Variants in MYO16 observed in about 807,000 individuals in gnomAD.
The protein encoded by MYO16 is unconventional myosin-XVI.
MYO16 carries 94 observed loss-of-function variants against 205.3 expected under a neutral mutation model. The ratio of observed to expected loss-of-function variants is 0.46; its 90% CI spans 0.39 to 0.54. The LOEUF is 0.54. Among genes scored for constraint, MYO16 ranks in the 20% least tolerant of loss-of-function variants. MYO16 has a pLI of 0.00. For missense variants in MYO16, 2,315 were observed against 2,387.5 expected (o/e 0.97, Z 0.63); for synonymous variants, 988 against 954.0 (o/e 1.04, Z -0.66).
the MYO16 span, among the ~76,000 whole-genome samples, chr13:108,532,536 G>T: frequency 4.6e-5 from 7 of 151,774 alleles, no homozygotes; most frequent in East Asian, 1.2e-3. Context: ...GCTCATGCCT[G>T]TAATCCCAGG....
intron 34 of MYO16, among the ~76,000 whole-genome samples, chr13:109,204,590 A>T (rs1566562247): frequency 6.6e-6 from 1 of 152,222 alleles, no homozygotes; most frequent in Admixed American, 6.5e-5. Flanking sequence ...CTAGACCACA[A>T]TAGTTGGGTT....
chr13:108,842,262 A>AGG (rs1877282462), intron 9 of MYO16, among the ~76,000 whole-genome samples: 1 of 152,106 alleles, frequency 6.6e-6, no homozygotes, highest in South Asian at 2.1e-4. Flanking sequence ...AAACAATAAA[A>AGG]TCAACAAAAT....
intron 1 of MYO16, among the ~76,000 whole-genome samples, chr13:108,657,910 C>G (rs186769954): frequency 9.9e-5 from 15 of 152,210 alleles, no homozygotes; most frequent in Admixed American, 8.5e-4. Flanking sequence ...ATTTTAAACA[C>G]AATTTAATGT....
chr13:109,130,924 T>C (rs1876503550), intron 31 of MYO16, among the ~76,000 whole-genome samples: 2 of 152,234 alleles, frequency 1.3e-5, no homozygotes, highest in Admixed American at 6.5e-5. Context: ...TTCCAAGTAC[T>C]CAGTAGCCAC....
chr13:109,049,440 A>G (rs1482627538), intron 24 of MYO16, among the ~76,000 whole-genome samples: 3 of 152,334 alleles, frequency 2.0e-5, no homozygotes, highest in East Asian at 3.9e-4. Context: ...CCCTGTGCCC[A>G]TAGGATGACA....
intron 23 of MYO16, among the ~76,000 whole-genome samples, chr13:109,039,670 AT>A (rs540489755): frequency 1.3e-5 from 2 of 152,220 alleles, no homozygotes; most frequent in Non-Finnish European, 2.9e-5. Flanking sequence ...AAAGTACAAC[AT>A]GTCAAACTTG....
intron 31 of MYO16, among the ~76,000 whole-genome samples, chr13:109,138,894 T>C (rs1262048071): frequency 6.6e-6 from 1 of 152,208 alleles, no homozygotes; most frequent in Non-Finnish European, 1.5e-5. Flanking sequence ...CTCAGTTCAC[T>C]GCATCCTCTG....
chr13:109,056,586 A>G (rs1341819101), intron 27 of MYO16, among the ~76,000 whole-genome samples: 2 of 152,144 alleles, frequency 1.3e-5, no homozygotes, highest in African/African-American at 4.8e-5. Context: ...TAGACAGGTA[A>G]ATGCATACGC....
intron 25 of MYO16, among the ~76,000 whole-genome samples, chr13:109,053,112 C>G (rs930588777): frequency 2.0e-5 from 3 of 152,062 alleles, no homozygotes; most frequent in Non-Finnish European, 4.4e-5. Flanking sequence ...AATCCAGTGC[C>G]AGATGGTATT....
intron 14 of MYO16, among the ~76,000 whole-genome samples, chr13:108,890,721 C>T (rs566889411): frequency 1.3e-5 from 2 of 152,302 alleles, no homozygotes; most frequent in East Asian, 1.9e-4. Context: ...TGCCATCAGC[C>T]TGTATCACCA....
chr13:109,015,073 A>T (rs1885756722), intron 22 of MYO16, among the ~76,000 whole-genome samples: 1 of 152,196 alleles, frequency 6.6e-6, no homozygotes, highest in Non-Finnish European at 1.5e-5. Flanking sequence ...GTTATTGCCC[A>T]TTCAGTATGA....
intron 22 of MYO16, among the ~76,000 whole-genome samples, chr13:109,018,492 C>T (rs757544326): frequency 6.6e-5 from 10 of 152,162 alleles, no homozygotes; most frequent in African/African-American, 1.4e-4. Flanking sequence ...GCTCAGACAA[C>T]GTGCTGGGAG....
At chr13:109,155,168 A>T (rs1877936539) in intron 32 of MYO16, among the ~76,000 whole-genome samples, 1 of 152,174 alleles carries the variant, frequency 6.6e-6, no homozygotes, top group Non-Finnish European at 1.5e-5. Flanking sequence ...GTTGTTGAAG[A>T]CATCGCTCTG....
At chr13:109,115,356 G>GA (rs1321280204) in intron 28 of MYO16, among the ~76,000 whole-genome samples, 1 of 141,038 alleles carries the variant, frequency 7.1e-6, no homozygotes, top group Non-Finnish European at 1.5e-5. Context: ...CACCTAACAA[G>GA]AAAAAAAACC....
chr13:108,858,970 T>C (rs760335987), intron 11 of MYO16, among the ~76,000 whole-genome samples: 3 of 152,094 alleles, frequency 2.0e-5, no homozygotes, highest in South Asian at 2.1e-4. Flanking sequence ...TTGACCACCA[T>C]ATGCCCATTC....
intron 13 of MYO16, 32 bp downstream of exon 13, chr13:108,883,218 C>G (rs745720291): frequency 1.9e-6 from 3 of 1,603,072 alleles, no homozygotes; most frequent in Non-Finnish European, 2.6e-6. Context: ...CTGCCAGGCT[C>G]AGGTTTGCCA....
chr13:108,991,364 T>C (rs568315357), intron 20 of MYO16, among the ~76,000 whole-genome samples: 1 of 152,338 alleles, frequency 6.6e-6, no homozygotes, highest in Non-Finnish European at 1.5e-5. Context: ...AGAGTGATAG[T>C]TCACATTGAA....
chr13:108,805,673 G>C (rs1295632637), intron 6 of MYO16, among the ~76,000 whole-genome samples: 2 of 151,812 alleles, frequency 1.3e-5, no homozygotes, highest in African/African-American at 4.8e-5. Flanking sequence ...AATACAGGCT[G>C]CTACCTTAGA....
At chr13:109,115,736 A>G (rs1457439460) in intron 28 of MYO16, among the ~76,000 whole-genome samples, 1 of 152,230 alleles carries the variant, frequency 6.6e-6, no homozygotes, top group East Asian at 1.9e-4. Context: ...TCATTAATAG[A>G]CAATGTAAAT....
Sources: allele counts gnomAD v4.1 joint callset (sites outside exome capture counted in the v4.1 genomes callset), GRCh38; gene constraint gnomAD v4.1.1; transcripts MANE v1.5; gene names NCBI Gene and HGNC (gene_info 2026-07-23, HGNC 2026-07-21).